ERC2: variants seen among roughly 807,000 people sequenced by gnomAD.
ERC2 encodes the protein ELKS/RAB6-interacting/CAST family member 2, also known as ERC protein 2.
ERC2 carries 42 observed loss-of-function variants against 114.8 expected under a neutral mutation model. The observed-to-expected ratio is 0.37, with a 90% CI of 0.29 to 0.47. The LOEUF (loss-of-function observed/expected upper bound fraction) is 0.47. ERC2 is among the 20% of genes least tolerant of loss of function. The pLI, the probability that ERC2 is intolerant of heterozygous loss-of-function variation, is 0.99. For synonymous variants in ERC2, 454 were observed against 425.5 expected, an observed-to-expected ratio of 1.07 and a Z score of -0.82; for missense variants, 939 against 1,150.7, an observed-to-expected ratio of 0.82 and a Z score of 2.66.
intron 1 of ERC2, among the ~76,000 whole-genome samples, chr3:56,457,815 C>T (rs1383468676): frequency 6.6e-6 from 1 of 152,204 alleles, no homozygotes; most frequent in Non-Finnish European, 1.5e-5. Flanking sequence ...CCTCCCTCCT[C>T]TGGCTAATTC....
chr3:55,978,859 C>T (rs1301148085), intron 12 of ERC2, among the ~76,000 whole-genome samples: 1 of 152,134 alleles, frequency 6.6e-6, no homozygotes, highest in African/African-American at 2.4e-5. Flanking sequence ...TTAATATAAA[C>T]TAATAATAGG....
At chr3:56,073,301 C>T (rs1405198353) in intron 7 of ERC2, among the ~76,000 whole-genome samples, 1 of 152,124 alleles carries the variant, frequency 6.6e-6, no homozygotes, top group East Asian at 1.9e-4. Flanking sequence ...TCCTGTAGAC[C>T]AGGGCTTCTC....
chr3:56,022,191 A>T (rs2073765589), intron 7 of ERC2, among the ~76,000 whole-genome samples: 1 of 152,246 alleles, frequency 6.6e-6, no homozygotes, highest in South Asian at 2.1e-4. Context: ...GATCTTTAAA[A>T]AGCAGAATGT....
intron 2 of ERC2, among the ~76,000 whole-genome samples, chr3:56,306,677 A>G (rs770383637): frequency 6.6e-6 from 1 of 152,146 alleles, no homozygotes; most frequent in Non-Finnish European, 1.5e-5. Context: ...CATAATTTAC[A>G]TACGTGTTCT....
chr3:56,209,265 C>T (rs1245879086), intron 3 of ERC2, among the ~76,000 whole-genome samples: 10 of 152,160 alleles, frequency 6.6e-5, no homozygotes, highest in Admixed American at 6.5e-4. Context: ...CATCTATTTG[C>T]TCCTCCTCCC....
Position 55,942,266 on chromosome 3 carries a change from C to CT in ERC2, c.2403+8158dup, listed in dbSNP as rs56851837. On this transcript the variant is annotated intron_variant, in intron 13 of 17. Transcript: ENST00000288221. ...TATTAAATGAAGTCTAAGGTCCTTTCTTTTTTTTTTTTTTTTTTTTTTTTT... is the reference window on the plus strand; with the variant it reads ...TATTAAATGAAGTCTAAGGTCCTTTCTTTTTTTTTTTTTTTTTTTTTTTTTT... Among the ~76,000 whole-genome samples the CT allele has an allele frequency of 9.1e-3, 384 of 42,090 alleles. 118 individuals are homozygous for CT. Among genetic ancestry groups the CT allele is most frequent in the East Asian group, 0.014 (16 of 1,176 alleles). 27.6% of individuals were successfully genotyped at this position (42,090 alleles called of 152,430 possible). A position where few individuals can be genotyped will look rare whatever the true frequency, so the allele number is the denominator to read the frequency against.
intron 3 of ERC2, among the ~76,000 whole-genome samples, chr3:56,235,186 A>G (rs2050863987): frequency 6.6e-6 from 1 of 152,170 alleles, no homozygotes; most frequent in Non-Finnish European, 1.5e-5. Context: ...TTATGCATAC[A>G]ACAATCATTC....
chr3:55,799,444 TATATGC>T (rs2070833536), intron 14 of ERC2, among the ~76,000 whole-genome samples: 2 of 116,826 alleles, frequency 1.7e-5, no homozygotes, highest in African/African-American at 8.6e-5. Flanking sequence ...GCCTTATATA[TATATGC>T]ATATATATAT....
chr3:55,683,249 G>C (rs997393713), intron 17 of ERC2, among the ~76,000 whole-genome samples: 1 of 152,170 alleles, frequency 6.6e-6, no homozygotes, highest in Admixed American at 6.6e-5. Context: ...CTTGATCCTT[G>C]TGTTTTCTTC....
At chr3:56,164,265 C>T (rs1281958925) in intron 4 of ERC2, among the ~76,000 whole-genome samples, 7 of 151,924 alleles carry the variant, frequency 4.6e-5, no homozygotes, top group Admixed American at 4.6e-4. Context: ...TTCCTCCTTC[C>T]CCCTAGCTCC....
intron 2 of ERC2, among the ~76,000 whole-genome samples, chr3:56,369,012 T>C (rs1207438657): frequency 6.6e-6 from 1 of 152,182 alleles, no homozygotes; most frequent in Non-Finnish European, 1.5e-5. Flanking sequence ...AGAGATCCTC[T>C]AGAAGTCGCC....
intron 2 of ERC2, among the ~76,000 whole-genome samples, chr3:56,424,254 T>C (rs539888582): frequency 6.6e-6 from 1 of 152,236 alleles, no homozygotes; most frequent in East Asian, 1.9e-4. Context: ...TAAAATAATC[T>C]ATTCATTGAA....
intron 15 of ERC2, among the ~76,000 whole-genome samples, chr3:55,720,199 CT>C (rs2064422764): frequency 1.8e-4 from 2 of 10,862 alleles, no homozygotes; most frequent in East Asian, 2.9e-3. Flanking sequence ...TCTTCTTCTT[CT>C]TCTTCTTCTT....
chr3:56,274,041 T>C (rs1252646294), intron 3 of ERC2, among the ~76,000 whole-genome samples: 1 of 152,118 alleles, frequency 6.6e-6, no homozygotes, highest in Non-Finnish European at 1.5e-5. Context: ...ACAGCAGGGG[T>C]ATCCAAACTC....
intron 17 of ERC2, among the ~76,000 whole-genome samples, chr3:55,584,098 G>C (rs2057467952): frequency 6.6e-6 from 1 of 152,142 alleles, no homozygotes; most frequent in South Asian, 2.1e-4. Flanking sequence ...CTGGCACAAG[G>C]AACACACTCA....
intron 14 of ERC2, among the ~76,000 whole-genome samples, chr3:55,803,444 A>G (rs893020597): frequency 6.6e-6 from 1 of 152,134 alleles, no homozygotes; most frequent in Non-Finnish European, 1.5e-5. Context: ...AAACATAAAA[A>G]TAAACACAGG....
intron 6 of ERC2, among the ~76,000 whole-genome samples, chr3:56,125,260 G>A (rs1245037988): frequency 1.3e-5 from 2 of 152,140 alleles, no homozygotes; most frequent in Non-Finnish European, 2.9e-5. Context: ...TCAGGCTTAT[G>A]TTTTACTCAT....
At chr3:56,391,563 C>G (rs980024871) in intron 2 of ERC2, among the ~76,000 whole-genome samples, 2 of 152,110 alleles carry the variant, frequency 1.3e-5, no homozygotes, top group African/African-American at 4.8e-5. Context: ...GTCATGTCTA[C>G]GTTTAAGATG....
At chr3:56,329,891 C>CCA in intron 2 of ERC2, among the ~76,000 whole-genome samples, 1 of 148,852 alleles carries the variant, frequency 6.7e-6, no homozygotes, top group African/African-American at 2.5e-5. Context: ...TATATTTCCA[C>CCA]TATATATATT....
Sources: allele counts gnomAD v4.1 joint callset (sites outside exome capture counted in the v4.1 genomes callset), GRCh38; gene constraint gnomAD v4.1.1; transcripts MANE v1.5; gene names NCBI Gene and HGNC (gene_info 2026-07-23, HGNC 2026-07-21).